Variants in PODN observed in about 807,000 individuals in gnomAD.
The protein encoded by PODN is podocan.
Under a neutral mutation model 52.7 loss-of-function variants are expected in PODN, and 40 were observed. That is an observed-to-expected ratio of 0.76 (90% confidence interval 0.59 to 0.99). PODN has a LOEUF of 0.99. PODN is among the 50% of genes least tolerant of loss of function. PODN has a pLI of 0.00. For synonymous variants in PODN, 396 were observed against 377.9 expected, an observed-to-expected ratio of 1.05 and a Z score of -0.56; for missense variants, 720 against 815.1, an observed-to-expected ratio of 0.88 and a Z score of 1.42.
chr1:53,062,830 C>T (rs77980215), intron 1 of PODN, among the ~76,000 whole-genome samples: 5,635 of 152,306 alleles, frequency 0.037, 215 homozygotes, highest in East Asian at 0.2. Flanking sequence ...CAGGGCGCGT[C>T]GGACGCCGGG....
intron 1 of PODN, among the ~76,000 whole-genome samples, chr1:53,064,314 C>A (rs1374946180): frequency 6.6e-6 from 1 of 152,240 alleles, no homozygotes; most frequent in Non-Finnish European, 1.5e-5. Context: ...ACACCCTAAC[C>A]CAGCCAAGGG....
At position 53,078,374 on chromosome 1, in the gene PODN, C is replaced by T; in HGVS notation, c.864C>T (p.Ser288=). 6.2e-7 allele frequency: 1 copy of T among 1,609,228 alleles called. No individual in the cohort carries two copies. Among genetic ancestry groups the T allele is most frequent in the Non-Finnish European group, 8.5e-7 (1 of 1,176,364 alleles). The part of the protein sequence containing the change: ...GLDNETFWKL[S]SLEYLDLSSN... ...TCCCTCCCTGCCCCAGGAAGCTCTCCAGCCTGGAGTACCTGGATCTGTCCA... is the reference window on the plus strand; with the variant it reads ...TCCCTCCCTGCCCCAGGAAGCTCTCTAGCCTGGAGTACCTGGATCTGTCCA... Residue 288 remains serine (S), a synonymous_variant, in exon 8 of 11, where the codon TCC becomes TCT. Transcript: ENST00000312553.
chr1:53,070,193 C>T, intron 2 of PODN, 26 bp downstream of exon 2: 1 of 1,598,826 alleles, frequency 6.3e-7, no homozygotes, highest in Non-Finnish European at 8.5e-7. Flanking sequence ...CACCTGTGGT[C>T]ACGGGGGCTG....
Position 53,078,752 on chromosome 1 carries a change from C to T in PODN, c.1242C>T (p.Asn414=). 2 of 1,613,442 alleles carry T rather than the reference C, an allele frequency of 1.2e-6. No homozygotes were observed. Among genetic ancestry groups the T allele is most frequent in the African/African-American group, 1.3e-5 (1 of 75,074 alleles). ...TGGAGGAGCTCAACCTCAGCTACAA[C>T]CGCATCACCAGCCCGCAGGTGCACC... The part of the protein sequence containing the change: ...YFLEELNLSY[N]RITSPQVHRD... The change falls in exon 8 of 11, where the codon AAC becomes AAT. Residue 414 remains asparagine (N), a synonymous_variant. Transcript: ENST00000312553.
chr1:53,062,998 G>A (rs1005803813), intron 1 of PODN, among the ~76,000 whole-genome samples: 4 of 152,216 alleles, frequency 2.6e-5, no homozygotes, highest in Admixed American at 6.5e-5. Context: ...GGAAGGGGTG[G>A]GGGTCCGCGA....
At position 53,062,233 on chromosome 1, in the gene PODN, G is replaced by A. The variant is rs199944985; in HGVS notation, c.-131G>A. On this transcript the variant is annotated 5_prime_UTR_variant, in exon 1 of 11. Coordinates refer to ENST00000312553, the MANE Select transcript of PODN (RefSeq NM_153703.5). ...AGCTTGACTTGAATGGAAGGAGCCC[G>A]AGCCCGCGGAGCGCAGCTGAGACTG... 37 of 1,274,358 alleles carry A rather than the reference G, an allele frequency of 2.9e-5. No homozygotes were observed. In the African/African-American group the frequency reaches 4.4e-4, roughly 15 times the overall value. 78.9% of individuals were successfully genotyped at this position (1,274,358 alleles called of 1,614,324 possible).
chr1:53,070,981 T>C (rs1438595499), intron 2 of PODN: 1 of 153,352 alleles, frequency 6.5e-6, no homozygotes, highest in Non-Finnish European at 1.5e-5. Flanking sequence ...CCCTGCCCTG[T>C]GCTTACAGTC....
intron 3 of PODN, chr1:53,072,846 AG>A (rs1210312136): frequency 6.6e-6 from 1 of 152,352 alleles, no homozygotes; most frequent in Non-Finnish European, 1.5e-5. Flanking sequence ...GGATCACCTG[AG>A]GTCAGGAGTT....
intron 7 of PODN, 37 bp downstream of exon 7, chr1:53,077,837 C>A: frequency 6.3e-7 from 1 of 1,575,260 alleles, no homozygotes; most frequent in South Asian, 1.1e-5. Flanking sequence ...GGCGTGACCA[C>A]GGGGCCCGGG....
chr1:53,083,418 G>A lies in PODN; in HGVS notation c.*28-1095G>A, dbSNP rs1038596374. Among the ~76,000 whole-genome samples the A allele has an allele frequency of 4.6e-5, 7 of 152,164 alleles. No individual in the cohort carries two copies. In the South Asian group the frequency reaches 1.2e-3, roughly 27 times the overall value. On this transcript the variant is annotated intron_variant, in intron 10 of 10. Transcript: ENST00000312553. ...AGGCTGGCCTGGAGGGGGAGTCACC[G>A]ATGTAGGAAAGAGCTGGCTTTGAGG...
chr1:53,077,413 G>T (rs1054777468), intron 6 of PODN, 67 bp downstream of exon 6: 23 of 1,580,780 alleles, frequency 1.5e-5, no homozygotes, highest in Middle Eastern at 1.7e-4. Flanking sequence ...GCAGGGGCCT[G>T]CAGGGGAAGA....
At position 53,069,949 on chromosome 1, in the gene PODN, C is replaced by T. The variant is rs752746303; in HGVS notation, c.94C>T (p.Arg32Ter). ...VLAVRAPGFG[R>*]SGGHSLSPEE... ...TGCCGTGAGGGCCCCAGGATTTGGC[C>T]GAAGTGGCGGCCACAGCCTGAGCCC... Residue 32 changes from arginine (R) to a stop codon, truncating the protein, a stop_gained, in exon 2 of 11, where the codon CGA becomes TGA. Coordinates refer to ENST00000312553, the MANE Select transcript of PODN (RefSeq NM_153703.5). LOFTEE classifies it high-confidence loss of function. 8 of 1,597,176 alleles carry T rather than the reference C, an allele frequency of 5.0e-6. No individual in the cohort carries two copies. The highest frequency in any genetic ancestry group is 2.3e-5 in the East Asian group (1 of 44,038).
intron 10 of PODN, among the ~76,000 whole-genome samples, chr1:53,082,529 G>A (rs760352481): frequency 4.6e-5 from 7 of 152,182 alleles, no homozygotes; most frequent in African/African-American, 7.2e-5. Flanking sequence ...TCAAGCTGCA[G>A]GGGGCTGGGG....
rs780763266 is a variant in PODN, at chr1:53,077,807, C to T, written c.854+7C>T. 23 of 1,611,270 alleles carry T rather than the reference C, an allele frequency of 1.4e-5. No homozygotes were observed. The highest frequency in any genetic ancestry group is 3.3e-4 in the Middle Eastern group (2 of 6,076). ...TGGACAACGAGACCTTCTGGTGAGTCCTTGTCTCACCAGGTCCTTGGCGTG... is the reference window on the plus strand; with the variant it reads ...TGGACAACGAGACCTTCTGGTGAGTTCTTGTCTCACCAGGTCCTTGGCGTG... On this transcript the variant is annotated splice_region_variant and intron_variant, in intron 7 of 10. Coordinates refer to ENST00000312553, the MANE Select transcript of PODN (RefSeq NM_153703.5).
At chr1:53,074,816 G>T in intron 4 of PODN, 146 bp downstream of exon 4, 2 of 441,086 alleles carry the variant, frequency 4.5e-6, no homozygotes, top group Admixed American at 2.6e-5. Context: ...GTCGGGGGTG[G>T]GGGAGACACG....
At chr1:53,076,002 C>A in intron 5 of PODN, 31 bp downstream of exon 5, 1 of 1,519,324 alleles carries the variant, frequency 6.6e-7, no homozygotes, top group Non-Finnish European at 9.0e-7. Flanking sequence ...AGGGCTCGGG[C>A]TGGGGCAAGG....
At chr1:53,074,179 G>C (rs909958318) in intron 3 of PODN, among the ~76,000 whole-genome samples, 6 of 152,242 alleles carry the variant, frequency 3.9e-5, no homozygotes, top group Non-Finnish European at 7.3e-5. Context: ...GCAGGGGTGA[G>C]CCAGGTGGTG....
chr1:53,072,505 A>G (rs1309624307), intron 3 of PODN, among the ~76,000 whole-genome samples: 1 of 152,198 alleles, frequency 6.6e-6, no homozygotes, highest in Non-Finnish European at 1.5e-5. Flanking sequence ...AACTGGGGCA[A>G]ATAGGACCCT....
At chr1:53,082,430 G>A (rs529366051) in intron 10 of PODN, among the ~76,000 whole-genome samples, 1 of 152,290 alleles carries the variant, frequency 6.6e-6, no homozygotes, top group Non-Finnish European at 1.5e-5. Context: ...GGGAGTGACC[G>A]GGGGGCACTG....
Sources: gnomAD v4.1 joint callset for allele counts (sites outside exome capture counted in the v4.1 genomes callset) on GRCh38, gnomAD v4.1.1 for gene constraint, MANE v1.5 for transcripts, NCBI Gene and HGNC (gene_info 2026-07-23, HGNC 2026-07-21) for gene names.